CRISPLD1: variants seen among roughly 807,000 people sequenced by gnomAD.
CRISPLD1 encodes cysteine-rich secretory protein LCCL domain-containing 1.
CRISPLD1 carries 60 observed loss-of-function variants against 77.5 expected under a neutral mutation model. The observed-to-expected ratio is 0.77, with a 90% CI of 0.63 to 0.96. The LOEUF (loss-of-function observed/expected upper bound fraction) is 0.96. Ranked by LOEUF, CRISPLD1 falls within the 40% of genes least tolerant of loss-of-function variation. The probability of loss-of-function intolerance (pLI) is 0.00; values close to 1 mark genes in which losing one functional copy is unlikely to be tolerated. For missense variants in CRISPLD1, 623 were observed against 615.8 expected (o/e 1.01, Z -0.12); for synonymous variants, 195 against 200.1 (o/e 0.97, Z 0.22).
intron 13 of CRISPLD1, among the ~76,000 whole-genome samples, chr8:75,026,239 T>C (rs1438357958): frequency 6.6e-6 from 1 of 152,078 alleles, no homozygotes; most frequent in African/African-American, 2.4e-5. Flanking sequence ...CATGACACCA[T>C]GCCTGGCTCT....
Position 75,012,463 on chromosome 8 carries a change from G to A in CRISPLD1, c.289G>A (p.Glu97Lys). ...GGATGTAGAGCTGGAAAGATCTGCA[G>A]AATCCTGGGCTGAAAGTTGCTTGTG... ...TWDVELERSAESWAESCLWEH... is the reference protein window; with the variant it reads ...TWDVELERSAKSWAESCLWEH... Residue 97 changes from glutamate to lysine, a missense_variant, in exon 3 of 15, where the codon GAA (glutamate) becomes AAA (lysine). Glu to Lys is a moderately conservative substitution (Grantham distance 56). Transcript: ENST00000262207. 1 of 1,613,072 alleles carries A rather than the reference G, an allele frequency of 6.2e-7. No homozygotes were observed. Among genetic ancestry groups the A allele is most frequent in the Non-Finnish European group, 8.5e-7 (1 of 1,179,238 alleles).
At chr8:75,014,380 GTTAT>G (rs1812990526) in intron 5 of CRISPLD1, among the ~76,000 whole-genome samples, 1 of 151,940 alleles carries the variant, frequency 6.6e-6, no homozygotes, top group African/African-American at 2.4e-5. Context: ...TTGAATAATT[GTTAT>G]TTATTAGAGA....
At chr8:74,992,909 T>TG (rs200814262) in intron 2 of CRISPLD1, among the ~76,000 whole-genome samples, 1,700 of 140,130 alleles carry the variant, frequency 0.012, 45 homozygotes, top group East Asian at 0.081. Flanking sequence ...ATTATGGTTT[T>TG]TTTTTTTTTT....
chr8:74,992,407 TAAAAC>T (rs1486280796), intron 2 of CRISPLD1, among the ~76,000 whole-genome samples: 1 of 152,192 alleles, frequency 6.6e-6, no homozygotes, highest in Non-Finnish European at 1.5e-5. Flanking sequence ...ATTTAAATAA[TAAAAC>T]AGATTGATGA....
intron 12 of CRISPLD1, 100 bp from the exon 13 acceptor site, chr8:75,025,446 G>C: frequency 5.4e-6 from 2 of 367,862 alleles, no homozygotes; most frequent in Non-Finnish European, 4.6e-6. Flanking sequence ...GGTTTAGAAT[G>C]TTGAGCTTAC....
At chr8:74,999,307 G>T (rs955890326) in intron 2 of CRISPLD1, among the ~76,000 whole-genome samples, 7 of 152,178 alleles carry the variant, frequency 4.6e-5, no homozygotes, top group African/African-American at 1.4e-4. Context: ...AGTCTATTTA[G>T]TAAGCCATGC....
rs745420208 is a variant in CRISPLD1 at position 75,017,103 on chromosome 8, A to C, written c.986A>C (p.His329Pro). 2 of 1,610,794 alleles carry C rather than the reference A, an allele frequency of 1.2e-6. No individual in the cohort carries two copies. The highest frequency in any genetic ancestry group is 4.5e-5 in the East Asian group (2 of 44,732). ...AAAGCTAAAGTTATTGGCAGTGTAC[A>C]TTATGAAATGGTAAGTGTTATAAAT... is the stretch of plus-strand genomic sequence containing the variant. Reference protein sequence around the residue: ...DSKAKVIGSVHYEMQSSICRA... With the variant: ...DSKAKVIGSVPYEMQSSICRA... Residue 329 changes from histidine to proline, a missense_variant, in exon 9 of 15, where the codon CAT (histidine) becomes CCT (proline). Physicochemically the swap from His to Pro is moderately conservative, Grantham distance 77. Transcript: ENST00000262207.
chr8:75,012,468 C>T lies in CRISPLD1; in HGVS notation c.294C>T (p.Ser98=), dbSNP rs1812949044. ...TAGAGCTGGAAAGATCTGCAGAATC[C>T]TGGGCTGAAAGTTGCTTGTGGGAAC... ...WDVELERSAE[S]WAESCLWEHG... Residue 98 remains serine, a synonymous_variant, in exon 3 of 15, where the codon TCC becomes TCT. Coordinates refer to ENST00000262207, the MANE Select transcript of CRISPLD1 (RefSeq NM_031461.6). 1 of 1,613,096 alleles carries T rather than the reference C, an allele frequency of 6.2e-7. No individual in the cohort carries two copies. The highest frequency in any genetic ancestry group is 2.2e-5 in the East Asian group (1 of 44,846).
intron 6 of CRISPLD1, 88 bp from the exon 7 acceptor site, chr8:75,016,477 A>C: frequency 1.6e-6 from 2 of 1,270,888 alleles, no homozygotes; most frequent in Admixed American, 2.3e-5. Context: ...CTAAATGTTA[A>C]ATAGGAGTAT....
intron 12 of CRISPLD1, among the ~76,000 whole-genome samples, chr8:75,024,399 CACTGCA>C (rs1813197481): frequency 6.6e-6 from 1 of 152,126 alleles, no homozygotes; most frequent in Admixed American, 6.5e-5. Context: ...GATCTCAGCT[CACTGCA>C]ACCTCCGCCT....
chr8:74,985,045 T>C (rs980123719), intron 1 of CRISPLD1, 125 bp downstream of exon 1: 1 of 151,336 alleles, frequency 6.6e-6, no homozygotes, highest in African/African-American at 2.4e-5. Context: ...TTGGGCGCGA[T>C]GGGTGGGTGG....
intron 12 of CRISPLD1, among the ~76,000 whole-genome samples, chr8:75,024,676 T>C (rs1167586383): frequency 6.6e-6 from 1 of 152,150 alleles, no homozygotes; most frequent in East Asian, 1.9e-4. Flanking sequence ...GAGGGCCAAA[T>C]TGGAAGCAGG....
intron 2 of CRISPLD1, among the ~76,000 whole-genome samples, chr8:75,008,494 A>G (rs928111609): frequency 2.0e-5 from 3 of 152,202 alleles, no homozygotes; most frequent in Admixed American, 1.3e-4. Flanking sequence ...TTGTTAAGTC[A>G]TGATAGAATT....
At chr8:74,990,419 A>G (rs2128780743) in intron 2 of CRISPLD1, among the ~76,000 whole-genome samples, 1 of 152,182 alleles carries the variant, frequency 6.6e-6, no homozygotes, top group East Asian at 1.9e-4. Flanking sequence ...CCATATCCCC[A>G]TGCTCTTATT....
At chr8:75,031,217 C>A (rs1019774851) in intron 14 of CRISPLD1, among the ~76,000 whole-genome samples, 8 of 151,730 alleles carry the variant, frequency 5.3e-5, no homozygotes, top group Non-Finnish European at 1.2e-4. Context: ...CTTGTGATAC[C>A]CTTATTTTTG....
chr8:75,029,740 G>C (rs1813300217), intron 14 of CRISPLD1, among the ~76,000 whole-genome samples: 1 of 152,082 alleles, frequency 6.6e-6, no homozygotes, highest in South Asian at 2.1e-4. Context: ...AAATCAACAT[G>C]AAAATCGGAT....
At chr8:75,001,079 A>G (rs1458306842) in intron 2 of CRISPLD1, among the ~76,000 whole-genome samples, 1 of 152,200 alleles carries the variant, frequency 6.6e-6, no homozygotes, top group Non-Finnish European at 1.5e-5. Flanking sequence ...CTATTGAAAA[A>G]TATAAAATTA....
chr8:75,009,889 CATT>C (rs1812899285), intron 2 of CRISPLD1, among the ~76,000 whole-genome samples: 1 of 151,962 alleles, frequency 6.6e-6, no homozygotes. Context: ...GTATAATAAA[CATT>C]ATATATAATT....
chr8:75,017,248 G>A (rs1405807080), intron 9 of CRISPLD1, 72 bp from the exon 10 acceptor site: 1 of 1,560,302 alleles, frequency 6.4e-7, no homozygotes, highest in Non-Finnish European at 8.8e-7. Flanking sequence ...AGTCACATAA[G>A]TGGTAAATAG....
Sources: gnomAD v4.1 joint callset for allele counts (sites outside exome capture counted in the v4.1 genomes callset) on GRCh38, gnomAD v4.1.1 for gene constraint, MANE v1.5 for transcripts, NCBI Gene and HGNC (gene_info 2026-07-23, HGNC 2026-07-21) for gene names.